The following SLC25A30 variants were observed in gnomAD, a reference collection of about 807,000 sequenced individuals.
SLC25A30 encodes solute carrier family 25 member 30.
In SLC25A30, 29 loss-of-function variants were observed where a neutral mutation model predicts 42.7. That is an observed-to-expected ratio of 0.68 (90% CI 0.51 to 0.93). The LOEUF (loss-of-function observed/expected upper bound fraction) is 0.93. Among genes scored for constraint, SLC25A30 ranks in the 40% least tolerant of loss-of-function variants. The pLI, the probability that SLC25A30 is intolerant of heterozygous loss-of-function variation, is 0.00. For synonymous variants in SLC25A30, 124 were observed against 131.0 expected (o/e 0.95, Z 0.37); for missense variants, 300 against 359.7 (o/e 0.83, Z 1.34).
chr13:45,427,477 A>G, the SLC25A30 span, among the ~76,000 whole-genome samples: 2 of 152,182 alleles, frequency 1.3e-5, no homozygotes, highest in African/African-American at 4.8e-5. Flanking sequence ...AGGCCATTGT[A>G]TATTTCAATT....
chr13:45,424,813 T>TATGTATATAAAC, the SLC25A30 span, among the ~76,000 whole-genome samples: 1 of 60,330 alleles, frequency 1.7e-5, no homozygotes, highest in African/African-American at 6.3e-5. Flanking sequence ...TATAAAAAAA[T>TATGTATATAAAC]ATAAATATAT....
At chr13:45,406,380 G>A (rs1271482326) in intron 3 of SLC25A30, among the ~76,000 whole-genome samples, 2 of 152,138 alleles carry the variant, frequency 1.3e-5, no homozygotes, top group East Asian at 1.9e-4. Flanking sequence ...CCTCTAAAAC[G>A]ATTTCGTAAA....
chr13:45,405,762 G>A, intron 4 of SLC25A30, 121 bp downstream of exon 4: 4 of 797,516 alleles, frequency 5.0e-6, no homozygotes, highest in South Asian at 3.7e-5. Context: ...TTTACACCCA[G>A]AGTTCTTGTA....
At chr13:45,414,412 G>A (rs1169090669) in intron 1 of SLC25A30, among the ~76,000 whole-genome samples, 2 of 152,142 alleles carry the variant, frequency 1.3e-5, no homozygotes, top group Admixed American at 6.6e-5. Context: ...GAGGTCAGGA[G>A]TTCAAGACCA....
upstream of SLC25A30, among the ~76,000 whole-genome samples, chr13:45,419,003 T>C (rs12867221): frequency 0.61 from 69,068 of 113,506 alleles, 20,540 homozygotes; most frequent in African/African-American, 0.69. Context: ...TGGTGGCGGG[T>C]GCCTGTAATC....
chr13:45,424,408 A>T, the SLC25A30 span, among the ~76,000 whole-genome samples: 3 of 59,826 alleles, frequency 5.0e-5, no homozygotes, highest in South Asian at 6.4e-4. Flanking sequence ...AATATATAAA[A>T]ATATATATAA....
At chr13:45,404,483 C>G in intron 4 of SLC25A30, 71 bp from the exon 5 acceptor site, 1 of 1,075,092 alleles carries the variant, frequency 9.3e-7, no homozygotes, top group South Asian at 1.3e-5. Context: ...AACTATAGGT[C>G]TAACTTATTT....
At chr13:45,402,049 G>C (rs1882035207) in intron 6 of SLC25A30, among the ~76,000 whole-genome samples, 1 of 109,582 alleles carries the variant, frequency 9.1e-6, no homozygotes, top group Non-Finnish European at 1.7e-5. Context: ...AACAGGGCAA[G>C]ACTCCATCTC....
chr13:45,413,612 T>A (rs1414515276), intron 1 of SLC25A30, among the ~76,000 whole-genome samples: 1 of 150,378 alleles, frequency 6.6e-6, no homozygotes, highest in Non-Finnish European at 1.5e-5. Flanking sequence ...TGGAATGCAA[T>A]GGCTCAATCT....
chr13:45,405,179 C>T (rs1464188643), intron 4 of SLC25A30, among the ~76,000 whole-genome samples: 3 of 152,228 alleles, frequency 2.0e-5, no homozygotes, highest in African/African-American at 2.4e-5. Flanking sequence ...CCGCCTCAGC[C>T]TCCCCAAAGC....
At chr13:45,408,448 A>T (rs566090663) in intron 3 of SLC25A30, among the ~76,000 whole-genome samples, 1 of 152,312 alleles carries the variant, frequency 6.6e-6, no homozygotes, top group African/African-American at 2.4e-5. Flanking sequence ...GCTTAGCGTG[A>T]CATGAGGCTG....
intron 3 of SLC25A30, 104 bp downstream of exon 3, chr13:45,408,823 C>T: frequency 9.7e-7 from 1 of 1,035,472 alleles, no homozygotes; most frequent in Non-Finnish European, 1.3e-6. Context: ...TCTTTTCAAA[C>T]ACACCTCAAA....
chr13:45,424,811 A>ATATATAT, the SLC25A30 span, among the ~76,000 whole-genome samples: 1 of 54,390 alleles, frequency 1.8e-5, no homozygotes, highest in African/African-American at 8.0e-5. Flanking sequence ...TATATAAAAA[A>ATATATAT]ATATAAATAT....
In SLC25A30 at chr13:45,394,368, G is replaced by A. The variant is rs1038373077; in HGVS notation, c.*1606C>T. 53 of 984,912 alleles carry A rather than the reference G, an allele frequency of 5.4e-5. No individual in the cohort carries two copies. The highest frequency in any genetic ancestry group is 9.4e-5 in the South Asian group (2 of 21,264). 61.0% of individuals were successfully genotyped at this position (984,912 alleles called of 1,614,324 possible). A position where few individuals can be genotyped will look rare whatever the true frequency, so the allele number is the denominator to read the frequency against. On this transcript the variant is annotated 3_prime_UTR_variant, in exon 10 of 10. Coordinates refer to ENST00000519676, the MANE Select transcript of SLC25A30 (RefSeq NM_001010875.4). ...AGGAAGGCAAGGGAAAAATGCCTGC[G>A]AGGAAAAATTATCTCATCCTCCAAA...
chr13:45,393,500 T>G lies in SLC25A30; in HGVS notation c.*2474A>C. ...TAAAGGACAGGAGCCACTTTTTATA[T>G]TATGAATCCACAACATTAAGCATCA... On this transcript the variant is annotated 3_prime_UTR_variant, in exon 10 of 10. Coordinates refer to ENST00000519676, the MANE Select transcript of SLC25A30 (RefSeq NM_001010875.4). 11 of 985,350 alleles carry G rather than the reference T, an allele frequency of 1.1e-5. No individual in the cohort carries two copies. The highest frequency in any genetic ancestry group is 1.3e-5 in the Non-Finnish European group (11 of 829,866). The allele number at this position is 985,350 out of a possible 1,614,324, so 61.0% of individuals were successfully genotyped here. A position where few individuals can be genotyped will look rare whatever the true frequency, so the allele number is the denominator to read the frequency against.
the SLC25A30 span, among the ~76,000 whole-genome samples, chr13:45,424,193 A>C: frequency 2.1e-5 from 2 of 97,058 alleles, no homozygotes; most frequent in Non-Finnish European, 3.6e-5. Flanking sequence ...ATTTATGAAT[A>C]TAAATATACA....
Position 45,412,417 on chromosome 13 carries a change from A to G in SLC25A30, c.-55-937T>C, listed in dbSNP as rs142584250. Among the ~76,000 whole-genome samples the G allele has an allele frequency of 5.2e-3, 798 of 152,264 alleles. 9 individuals carry two copies. Among genetic ancestry groups the G allele is most frequent in the African/African-American group, 0.017 (725 of 41,540 alleles). ...CCACCACAGGCTACTTGTAGTCTAC[A>G]TTCTATAAATATCGGCTCACTTCTC... On this transcript the variant is annotated intron_variant, in intron 1 of 9. Coordinates refer to ENST00000519676, the MANE Select transcript of SLC25A30 (RefSeq NM_001010875.4).
the SLC25A30 span, among the ~76,000 whole-genome samples, chr13:45,425,114 A>G: frequency 1.3e-5 from 1 of 78,704 alleles, no homozygotes; most frequent in South Asian, 3.5e-4. Flanking sequence ...ATATAAATAT[A>G]TTTATAAATA....
chr13:45,423,767 A>T, the SLC25A30 span, among the ~76,000 whole-genome samples: 631 of 24,186 alleles, frequency 0.026, 51 homozygotes, highest in Middle Eastern at 0.05. Context: ...TAAATATATA[A>T]AAATATATAA....
Sources: allele counts gnomAD v4.1 joint callset (sites outside exome capture counted in the v4.1 genomes callset), GRCh38; gene constraint gnomAD v4.1.1; transcripts MANE v1.5; gene names NCBI Gene and HGNC (gene_info 2026-07-23, HGNC 2026-07-21).